The following SLIT2 variants were observed in gnomAD, a reference collection of about 807,000 sequenced individuals.
The protein encoded by SLIT2 is slit homolog 2 protein.
A neutral mutation model predicts 185.7 loss-of-function variants in SLIT2; 41 were observed. The observed-to-expected ratio is 0.22, with a 90% confidence interval of 0.17 to 0.29. SLIT2 has a LOEUF of 0.29. SLIT2 is among the 10% of genes least tolerant of loss of function. The pLI is 1.00. For synonymous variants in SLIT2, 693 were observed against 680.2 expected (o/e 1.02, Z -0.29); for missense variants, 1,571 against 1,909.0 (o/e 0.82, Z 3.30).
At chr4:20,383,979 T>C (rs1363254213) in intron 4 of SLIT2, among the ~76,000 whole-genome samples, 1 of 152,186 alleles carries the variant, frequency 6.6e-6, no homozygotes. Context: ...GTGCTGGGAT[T>C]ACTGGCATGA....
intron 14 of SLIT2, among the ~76,000 whole-genome samples, chr4:20,524,393 C>A (rs757531220): frequency 3.9e-5 from 6 of 152,142 alleles, no homozygotes; most frequent in Non-Finnish European, 8.8e-5. Context: ...AAGAAATAGG[C>A]AATTGACCAA....
At position 20,475,307 on chromosome 4, in the gene SLIT2, G is replaced by A. The variant is rs1171638345; in HGVS notation, c.468-5409G>A. The stretch of plus-strand genomic sequence containing the variant: ...GATTCTATCCATTTTTTGAGGATCT[G>A]AGGTTTTGGTTTTTTTTTTTTTTTC... On this transcript the variant is annotated intron_variant, in intron 5 of 36. Coordinates refer to ENST00000504154, the MANE Select transcript of SLIT2 (RefSeq NM_004787.4). 2.9e-5 allele frequency among the ~76,000 whole-genome samples: 4 copies of A among 137,822 alleles called. No homozygotes were observed. In the East Asian group the frequency reaches 8.4e-4, roughly 29 times the overall value. The allele number at this position is 137,822 out of a possible 152,430, so 90.4% of individuals were successfully genotyped here.
chr4:20,584,175 G>C (rs1159972741), intron 29 of SLIT2, among the ~76,000 whole-genome samples: 2 of 152,102 alleles, frequency 1.3e-5, no homozygotes, highest in East Asian at 3.9e-4. Context: ...TCTAATTCCA[G>C]AGCCTCAGTT....
At chr4:20,450,421 T>G (rs1712342980) in intron 4 of SLIT2, among the ~76,000 whole-genome samples, 1 of 152,226 alleles carries the variant, frequency 6.6e-6, no homozygotes, top group Non-Finnish European at 1.5e-5. Flanking sequence ...TTCCATTTTA[T>G]TCCACATGCA....
At chr4:20,439,686 T>C (rs1729600082) in intron 4 of SLIT2, among the ~76,000 whole-genome samples, 1 of 152,162 alleles carries the variant, frequency 6.6e-6, no homozygotes, top group Non-Finnish European at 1.5e-5. Flanking sequence ...GGGAGCACAA[T>C]TCCATTTATC....
At chr4:20,508,870 G>A (rs1314845142) in intron 9 of SLIT2, among the ~76,000 whole-genome samples, 1 of 152,128 alleles carries the variant, frequency 6.6e-6, no homozygotes, top group Admixed American at 6.5e-5. Context: ...AAATAAAGAG[G>A]TCAGAGAATG....
At chr4:20,523,193 A>T (rs927368898) in intron 12 of SLIT2, among the ~76,000 whole-genome samples, 2 of 152,178 alleles carry the variant, frequency 1.3e-5, no homozygotes, top group Non-Finnish European at 2.9e-5. Flanking sequence ...TGGAGCTCAA[A>T]CAGCCAGGAG....
At chr4:20,305,078 G>A (rs945933529) in intron 4 of SLIT2, among the ~76,000 whole-genome samples, 14 of 152,124 alleles carry the variant, frequency 9.2e-5, no homozygotes, top group African/African-American at 2.7e-4. Flanking sequence ...ATAGGTATTC[G>A]AAAATGTTTG....
intron 4 of SLIT2, among the ~76,000 whole-genome samples, chr4:20,282,918 C>T (rs553973598): frequency 3.3e-5 from 5 of 152,262 alleles, no homozygotes; most frequent in South Asian, 2.1e-4. Flanking sequence ...AGCGTTGTCA[C>T]GTGTAAGACT....
intron 4 of SLIT2, among the ~76,000 whole-genome samples, chr4:20,408,239 A>G (rs1726925969): frequency 6.6e-6 from 1 of 152,160 alleles, no homozygotes; most frequent in African/African-American, 2.4e-5. Flanking sequence ...AGCTCCAAGG[A>G]CTCATAACCA....
At chr4:20,272,648 C>T (rs144469813) in intron 4 of SLIT2, among the ~76,000 whole-genome samples, 1,650 of 152,068 alleles carry the variant, frequency 0.011, 8 homozygotes, top group Middle Eastern at 0.017. Context: ...TTGTGGTTTT[C>T]GGTTTATTTC....
intron 4 of SLIT2, among the ~76,000 whole-genome samples, chr4:20,302,538 T>G (rs66615925): frequency 0.24 from 36,316 of 152,002 alleles, 5,280 homozygotes; most frequent in East Asian, 0.61. Flanking sequence ...AATGGCTGCA[T>G]GATGTCAGAG....
intron 26 of SLIT2, among the ~76,000 whole-genome samples, chr4:20,555,035 C>T (rs1347337348): frequency 1.3e-5 from 2 of 151,238 alleles, no homozygotes; most frequent in African/African-American, 2.5e-5. Flanking sequence ...TCCCAAAGTG[C>T]TGGGATTACA....
chr4:20,528,952 C>G lies in SLIT2; in HGVS notation c.1466C>G (p.Thr489Arg). ...TTTTGGTTTGAATTCTCAATAGGTACAGAAGATTATCGATCAAAATTAAGT... is the reference window on the plus strand; with the variant it reads ...TTTTGGTTTGAATTCTCAATAGGTAGAGAAGATTATCGATCAAAATTAAGT... The part of the protein sequence containing the change: ...SAKEQYFIPG[T>R]EDYRSKLSGD... The change falls in exon 16 of 37, where the codon ACA (threonine) becomes AGA (arginine). Residue 489 changes from threonine (T) to arginine (R), a missense_variant. By Grantham distance (71) the Thr-to-Arg change is moderately conservative (BLOSUM62 -1). Transcript: ENST00000504154. This position sits in a 1 kb window ranked among gnomAD's most constrained non-coding sequence, Gnocchi z 4.2. The G allele has an allele frequency of 6.2e-7, 1 of 1,613,148 alleles. No individual in the cohort carries two copies. The highest frequency in any genetic ancestry group is 8.5e-7 in the Non-Finnish European group (1 of 1,179,432).
At chr4:20,334,336 A>T (rs1720315633) in intron 4 of SLIT2, among the ~76,000 whole-genome samples, 1 of 152,092 alleles carries the variant, frequency 6.6e-6, no homozygotes, top group Admixed American at 6.6e-5. Flanking sequence ...AAAGTTCATG[A>T]TTTCAAACTA....
chr4:20,573,227 C>T (rs1314197612), intron 29 of SLIT2: 7 of 702,856 alleles, frequency 1.0e-5, no homozygotes, highest in Non-Finnish European at 1.8e-5. Context: ...GTCTTTGTCG[C>T]TGCCAGCTGC....
At chr4:20,575,957 C>T (rs546925601) in intron 29 of SLIT2, among the ~76,000 whole-genome samples, 1 of 152,144 alleles carries the variant, frequency 6.6e-6, no homozygotes, top group East Asian at 1.9e-4. Flanking sequence ...AACTCTGGGA[C>T]ACCTCCCAGT....
At position 20,321,901 on chromosome 4, in the gene SLIT2, C is replaced by A. The variant is rs1024611810; in HGVS notation, c.395+53020C>A. On this transcript the variant is annotated intron_variant, in intron 4 of 36. Transcript: ENST00000504154. The stretch of plus-strand genomic sequence containing the variant: ...TGGTTCTCAAGTGTGGCTTTGGGAC[C>A]GGTAGTGTGAACATCATCTGGGAAT... Among the ~76,000 whole-genome samples the A allele has an allele frequency of 2.0e-5, 3 of 152,056 alleles. No homozygotes were observed. In the East Asian group the frequency reaches 5.8e-4, roughly 29 times the overall value.
chr4:20,582,084 T>C (rs1165769310), intron 29 of SLIT2, among the ~76,000 whole-genome samples: 4 of 152,172 alleles, frequency 2.6e-5, no homozygotes, highest in African/African-American at 9.7e-5. Flanking sequence ...CATCTGGCCA[T>C]GCCCCGACTC....
Sources: gnomAD v4.1 joint callset for allele counts (sites outside exome capture counted in the v4.1 genomes callset) on GRCh38, gnomAD v4.1.1 for gene constraint, Gnocchi (gnomAD v3.1) non-coding constraint, MANE v1.5 for transcripts, NCBI Gene and HGNC (gene_info 2026-07-23, HGNC 2026-07-21) for gene names.